UNC5C: variants seen among roughly 807,000 people sequenced by gnomAD.
The protein encoded by UNC5C is unc-5 netrin receptor C.
In UNC5C, 47 loss-of-function variants were observed where a neutral mutation model predicts 99.8. That is an observed-to-expected ratio of 0.47 (90% CI 0.37 to 0.60). The LOEUF (loss-of-function observed/expected upper bound fraction) is 0.60. UNC5C is among the 20% of genes least tolerant of loss of function. The probability of loss-of-function intolerance (pLI) is 0.00; values close to 1 mark genes in which losing one functional copy is unlikely to be tolerated. For missense variants in UNC5C, 1,062 were observed against 1,165.9 expected (o/e 0.91, Z 1.30); for synonymous variants, 487 against 452.2 (o/e 1.08, Z -0.98).
rs183482315 is a variant in UNC5C, at chr4:95,464,875, T to C, written c.124+83859A>G. Among the ~76,000 whole-genome samples, 279 of 152,314 alleles carry C rather than the reference T, an allele frequency of 1.8e-3. No individual in the cohort carries two copies. In the Middle Eastern group the frequency reaches 0.044, roughly 24 times the overall value. On this transcript the variant is annotated intron_variant, in intron 1 of 15. Coordinates refer to ENST00000453304, the MANE Select transcript of UNC5C (RefSeq NM_003728.4). Reference sequence around the variant, plus strand: ...TTTCAGAACTTAGAACATTTACTAGTTTTTAGAACGGTATTAGGTGCTACA... The same window carrying C: ...TTTCAGAACTTAGAACATTTACTAGCTTTTAGAACGGTATTAGGTGCTACA...
rs367551666 is a variant in UNC5C, at chr4:95,469,058, C to A, written c.124+79676G>T. Among the ~76,000 whole-genome samples, 14 of 152,060 alleles carry A rather than the reference C, an allele frequency of 9.2e-5. No homozygotes were observed. In the East Asian group the frequency reaches 2.5e-3, roughly 27 times the overall value. On this transcript the variant is annotated intron_variant, in intron 1 of 15. Transcript: ENST00000453304. Reference sequence around the variant, plus strand: ...TAGATAAGGGCAGTTCCAGTCATAACCCTGACTGCATTTGCGTGAAAAACT... The same window carrying A: ...TAGATAAGGGCAGTTCCAGTCATAAACCTGACTGCATTTGCGTGAAAAACT...
intron 3 of UNC5C, among the ~76,000 whole-genome samples, chr4:95,293,295 CTTT>C (rs1175837199): frequency 4.8e-3 from 273 of 56,818 alleles, no homozygotes; most frequent in African/African-American, 0.019. Context: ...TAATAGTGAG[CTTT>C]TTTTTTTTTT....
At chr4:95,435,505 C>T (rs1746753445) in intron 1 of UNC5C, among the ~76,000 whole-genome samples, 1 of 152,042 alleles carries the variant, frequency 6.6e-6, no homozygotes, top group South Asian at 2.1e-4. Flanking sequence ...TCTAATTATG[C>T]ATTACTTTAC....
intron 2 of UNC5C, among the ~76,000 whole-genome samples, chr4:95,332,940 C>T (rs1365959669): frequency 1.3e-5 from 2 of 152,286 alleles, no homozygotes; most frequent in Non-Finnish European, 2.9e-5. Flanking sequence ...CAAAAGAAGA[C>T]ATTTATGTAG....
chr4:95,368,297 GA>G (rs71583699), intron 1 of UNC5C, among the ~76,000 whole-genome samples: 91 of 133,780 alleles, frequency 6.8e-4, no homozygotes, highest in South Asian at 2.4e-3. Flanking sequence ...CATCTTTTTT[GA>G]AAAAAAAAAA....
intron 7 of UNC5C, among the ~76,000 whole-genome samples, chr4:95,223,608 T>G (rs1035464937): frequency 1.3e-5 from 2 of 152,190 alleles, no homozygotes; most frequent in Non-Finnish European, 2.9e-5. Context: ...AATGCCTTAT[T>G]TTAGAGCAAT....
chr4:95,380,966 G>C (rs1205889227), intron 1 of UNC5C, among the ~76,000 whole-genome samples: 1 of 152,078 alleles, frequency 6.6e-6, no homozygotes, highest in East Asian at 1.9e-4. Context: ...TTGTTGCAAT[G>C]AATATTTGTT....
At chr4:95,283,667 G>A (rs1383182652) in intron 3 of UNC5C, among the ~76,000 whole-genome samples, 1 of 152,168 alleles carries the variant, frequency 6.6e-6, no homozygotes, top group East Asian at 1.9e-4. Flanking sequence ...TTGTCAGCTG[G>A]GAATTAGATG....
intron 1 of UNC5C, among the ~76,000 whole-genome samples, chr4:95,520,320 A>T (rs532961375): frequency 6.6e-6 from 1 of 152,224 alleles, no homozygotes; most frequent in African/African-American, 2.4e-5. Flanking sequence ...ATATAAGTCA[A>T]GAGTAAAATT....
rs768647763 is a variant in UNC5C, at chr4:95,164,783, C to T, written c.*4451G>A. ...TAGCCTTGGGCTTACACTGAGTTCT[C>T]CACATGAAACTGATGACTTGTCCAG... On this transcript the variant is annotated 3_prime_UTR_variant, in exon 16 of 16. Coordinates refer to ENST00000453304, the MANE Select transcript of UNC5C (RefSeq NM_003728.4). 5 of 152,204 alleles carry T rather than the reference C, an allele frequency of 3.3e-5. No individual in the cohort carries two copies. Among genetic ancestry groups the T allele is most frequent in the Non-Finnish European group, 7.3e-5 (5 of 68,036 alleles). The allele number at this position is 152,204 out of a possible 1,614,324, so 9.4% of individuals were successfully genotyped here.
intron 1 of UNC5C, among the ~76,000 whole-genome samples, chr4:95,530,466 T>A (rs536617198): frequency 6.6e-6 from 1 of 152,014 alleles, no homozygotes; most frequent in East Asian, 1.9e-4. Flanking sequence ...GAAAGAAAAA[T>A]AAAATTCTTC....
At chr4:95,186,227 G>A (rs1736824057) in intron 12 of UNC5C, among the ~76,000 whole-genome samples, 1 of 152,084 alleles carries the variant, frequency 6.6e-6, no homozygotes, top group African/African-American at 2.4e-5. Context: ...AAGGGTCCAG[G>A]AATATATGGA....
Position 95,219,971 on chromosome 4 carries a change from G to T in UNC5C, c.1300+14C>A. ...TGCATAAGTAACAGGGTGTGAAGTG[G>T]AATGTCAACTGACCTTGTCTTGCTG... On this transcript the variant is annotated intron_variant, in intron 8 of 15. Coordinates refer to ENST00000453304, the MANE Select transcript of UNC5C (RefSeq NM_003728.4). 1.2e-6 allele frequency: 2 copies of T among 1,610,506 alleles called. No homozygotes were observed. Among genetic ancestry groups the T allele is most frequent in the South Asian group, 1.1e-5 (1 of 90,554 alleles).
At chr4:95,394,232 C>T (rs1745444015) in intron 1 of UNC5C, among the ~76,000 whole-genome samples, 1 of 151,282 alleles carries the variant, frequency 6.6e-6, no homozygotes, top group African/African-American at 2.4e-5. Flanking sequence ...TTTCTATCCA[C>T]TTCTGAAACT....
chr4:95,362,754 A>C (rs558605365), intron 1 of UNC5C, among the ~76,000 whole-genome samples: 1 of 151,882 alleles, frequency 6.6e-6, no homozygotes, highest in East Asian at 1.9e-4. Context: ...GCTTTGAAAA[A>C]TATATTTGCA....
intron 2 of UNC5C, among the ~76,000 whole-genome samples, chr4:95,315,082 G>A (rs1429215188): frequency 2.6e-5 from 4 of 152,104 alleles, no homozygotes; most frequent in African/African-American, 9.7e-5. Context: ...TTGGAGGTAA[G>A]CATTGGATCA....
At chr4:95,384,069 G>A (rs1315590974) in intron 1 of UNC5C, among the ~76,000 whole-genome samples, 1 of 152,138 alleles carries the variant, frequency 6.6e-6, no homozygotes, top group Non-Finnish European at 1.5e-5. Flanking sequence ...TAGTAGTACA[G>A]TGTTCAAAAA....
intron 1 of UNC5C, among the ~76,000 whole-genome samples, chr4:95,509,773 AT>A (rs1178183129): frequency 2.0e-4 from 30 of 151,998 alleles, no homozygotes; most frequent in African/African-American, 6.7e-4. Flanking sequence ...AATTCAAATA[AT>A]TATTTGCATA....
chr4:95,356,226 A>AAAAAC (rs1371053400), intron 1 of UNC5C, among the ~76,000 whole-genome samples: 5 of 144,714 alleles, frequency 3.5e-5, no homozygotes, highest in South Asian at 2.2e-4. Flanking sequence ...AACAAAAAAA[A>AAAAAC]AACAGATTCC....
Sources: gnomAD v4.1 joint callset for allele counts (sites outside exome capture counted in the v4.1 genomes callset) on GRCh38, gnomAD v4.1.1 for gene constraint, MANE v1.5 for transcripts, NCBI Gene and HGNC (gene_info 2026-07-23, HGNC 2026-07-21) for gene names.